Variants in ALK observed in about 807,000 individuals in gnomAD.
ALK encodes ALK tyrosine kinase receptor.
In ALK, 74 loss-of-function variants were observed where a neutral mutation model predicts 163.1. The observed-to-expected ratio is 0.45, with a 90% CI of 0.38 to 0.55. The LOEUF (loss-of-function observed/expected upper bound fraction) is 0.55, where lower values mean the gene tolerates loss of function less well. Among genes scored for constraint, ALK ranks in the 20% least tolerant of loss-of-function variants. The pLI is 0.00. For synonymous variants in ALK, 960 were observed against 843.2 expected (o/e 1.14, Z -2.40); for missense variants, 2,063 against 2,105.3 (o/e 0.98, Z 0.39).
intron 5 of ALK, among the ~76,000 whole-genome samples, chr2:29,329,803 A>G (rs988188771): frequency 6.6e-6 from 1 of 152,212 alleles, no homozygotes; most frequent in African/African-American, 2.4e-5. Flanking sequence ...TACTTCTGGA[A>G]TTTCTCCATC....
At chr2:29,831,885 AT>A (rs1197999982) in intron 1 of ALK, among the ~76,000 whole-genome samples, 1 of 152,236 alleles carries the variant, frequency 6.6e-6, no homozygotes, top group East Asian at 1.9e-4. Context: ...TATCTCCTGA[AT>A]AGGCGAACCA....
chr2:29,342,161 G>A (rs929163079), intron 5 of ALK, among the ~76,000 whole-genome samples: 2 of 152,342 alleles, frequency 1.3e-5, no homozygotes, highest in East Asian at 3.9e-4. Context: ...AATAATGAGT[G>A]TTGGCAAAGA....
chr2:29,531,898 C>T lies in ALK; in HGVS notation c.1154+17G>A. 1 of 1,613,830 alleles carries T rather than the reference C, an allele frequency of 6.2e-7. No homozygotes were observed. Among genetic ancestry groups the T allele is most frequent in the South Asian group, 1.1e-5 (1 of 91,074 alleles). ...CACCTGGTATAAAATCAATTTTGGA[C>T]ATGGAGAAGTACTTACCCATGCTTC... On this transcript the variant is annotated intron_variant, in intron 4 of 28. Coordinates refer to ENST00000389048, the MANE Select transcript of ALK (RefSeq NM_004304.5).
chr2:29,538,224 G>A (rs990313709), intron 3 of ALK, among the ~76,000 whole-genome samples: 2 of 152,286 alleles, frequency 1.3e-5, no homozygotes, highest in Middle Eastern at 3.4e-3. Context: ...TGGTTTGGAT[G>A]TGTTTGTCCC....
intron 4 of ALK, among the ~76,000 whole-genome samples, chr2:29,404,307 CAAA>C (rs11297118): frequency 0.082 from 11,115 of 135,140 alleles, 539 homozygotes; most frequent in Non-Finnish European, 0.12. Flanking sequence ...GACTCCGTCT[CAAA>C]AAAAAAAAAA....
chr2:29,759,792 G>A (rs1418327582), intron 1 of ALK, among the ~76,000 whole-genome samples: 1 of 152,124 alleles, frequency 6.6e-6, no homozygotes, highest in African/African-American at 2.4e-5. Context: ...AAGATTAATA[G>A]GTCACTGCTT....
intron 5 of ALK, among the ~76,000 whole-genome samples, chr2:29,378,915 G>A (rs558745692): frequency 3.4e-4 from 51 of 152,210 alleles, no homozygotes; most frequent in Non-Finnish European, 6.2e-4. Context: ...GTTTCGCGAC[G>A]TTGGCCAGGC....
intron 26 of ALK, among the ~76,000 whole-genome samples, chr2:29,202,151 A>G (rs186978727): frequency 1.6e-4 from 25 of 152,210 alleles, no homozygotes; most frequent in Admixed American, 1.5e-3. Context: ...CAAGCAAGCT[A>G]GGCTCCTTCC....
rs140876701 is a variant in ALK, at chr2:29,780,701, G to A, written c.668-63004C>T. Among the ~76,000 whole-genome samples the A allele has an allele frequency of 3.0e-4, 45 of 152,298 alleles. 1 individual carries two copies. The highest frequency in any genetic ancestry group is 3.4e-3 in the Middle Eastern group (1 of 294). ...GGGCTACGTTAGCACAACCCATGGC[G>A]TTTCGGGGTAACAGATGCCACAGCA... On this transcript the variant is annotated intron_variant, in intron 1 of 28. Transcript: ENST00000389048.
In ALK at chr2:29,295,550, C is replaced by T. The variant is rs192193100; in HGVS notation, c.1817+1338G>A. On this transcript the variant is annotated intron_variant, in intron 9 of 28. Transcript: ENST00000389048. ...CCTTGGAATGTCCTTGGGCTTTGAT[C>T]GTTAACCCACACACATCTGAAGGAG... Among the ~76,000 whole-genome samples the T allele has an allele frequency of 7.9e-5, 12 of 152,286 alleles. No individual in the cohort carries two copies. The East Asian group carries it at 1.3e-3, about 17-fold the overall frequency.
At chr2:29,400,739 CT>C (rs1210021434) in intron 4 of ALK, among the ~76,000 whole-genome samples, 7 of 152,150 alleles carry the variant, frequency 4.6e-5, no homozygotes, top group African/African-American at 1.7e-4. Flanking sequence ...CCTTGGGATG[CT>C]GAGATCGGCA....
intron 3 of ALK, among the ~76,000 whole-genome samples, chr2:29,540,110 A>C (rs1558374912): frequency 6.6e-6 from 1 of 152,192 alleles, no homozygotes; most frequent in Admixed American, 6.5e-5. Flanking sequence ...TATATTTTCA[A>C]ATATGATCAG....
intron 3 of ALK, among the ~76,000 whole-genome samples, chr2:29,647,124 C>A (rs1676899458): frequency 6.6e-6 from 1 of 152,134 alleles, no homozygotes; most frequent in South Asian, 2.1e-4. Context: ...CTGGGCTTGG[C>A]AAAATCAGTT....
At chr2:29,787,328 A>C (rs1179233689) in intron 1 of ALK, among the ~76,000 whole-genome samples, 1 of 152,218 alleles carries the variant, frequency 6.6e-6, no homozygotes, top group African/African-American at 2.4e-5. Context: ...ACAAAGATGA[A>C]TTAATTAGGG....
rs147977706 is a variant in ALK, at chr2:29,643,619, G to A, written c.952+51231C>T. 4.0e-4 allele frequency among the ~76,000 whole-genome samples: 61 copies of A among 152,222 alleles called. No homozygotes were observed. In the East Asian group the frequency reaches 0.01, roughly 26 times the overall value. On this transcript the variant is annotated intron_variant, in intron 3 of 28. Transcript: ENST00000389048. ...CTGAGCCAGGAGCGGGTGAACAGTGGGGAGGCCATTTATAACTGTGGCTCT... is the reference window on the plus strand; with the variant it reads ...CTGAGCCAGGAGCGGGTGAACAGTGAGGAGGCCATTTATAACTGTGGCTCT...
intron 4 of ALK, among the ~76,000 whole-genome samples, chr2:29,489,860 C>A (rs1671859286): frequency 1.3e-5 from 2 of 152,170 alleles, no homozygotes; most frequent in Non-Finnish European, 2.9e-5. Flanking sequence ...GAAAGTGGCC[C>A]TGCAAAAGAA....
chr2:29,404,501 T>C (rs1284951121), intron 4 of ALK, among the ~76,000 whole-genome samples: 1 of 152,184 alleles, frequency 6.6e-6, no homozygotes, highest in Non-Finnish European at 1.5e-5. Context: ...GCAACTGTTC[T>C]AGAGGTAGGG....
At chr2:29,724,201 T>C (rs1215494831) in intron 1 of ALK, among the ~76,000 whole-genome samples, 8 of 152,368 alleles carry the variant, frequency 5.3e-5, no homozygotes, top group African/African-American at 1.9e-4. Flanking sequence ...CTATTCTAAA[T>C]GCTCTTTGGA....
chr2:29,197,516 C>A (rs557967268), intron 27 of ALK, 26 bp downstream of exon 27: 7 of 1,612,534 alleles, frequency 4.3e-6, no homozygotes, highest in South Asian at 2.2e-5. Context: ...TAGTAACTAG[C>A]AGAAGTGTTC....
Sources: allele counts gnomAD v4.1 joint callset (sites outside exome capture counted in the v4.1 genomes callset), GRCh38; gene constraint gnomAD v4.1.1; transcripts MANE v1.5; gene names NCBI Gene and HGNC (gene_info 2026-07-23, HGNC 2026-07-21).